The following COL24A1 variants were observed in gnomAD, a reference collection of about 807,000 sequenced individuals.
The protein encoded by COL24A1 is collagen type XXIV alpha 1 chain.
A neutral mutation model predicts 253.9 loss-of-function variants in COL24A1; 224 were observed. The observed-to-expected ratio is 0.88, with a 90% CI of 0.79 to 0.99. COL24A1 has a LOEUF of 0.99. Ranked by LOEUF, COL24A1 falls within the 50% of genes least tolerant of loss-of-function variation. COL24A1 has a pLI of 0.00. For missense variants in COL24A1, 2,131 were observed against 2,068.5 expected (o/e 1.03, Z -0.59); for synonymous variants, 685 against 673.7 (o/e 1.02, Z -0.26).
chr1:85,997,763 G>GAA lies in COL24A1; in HGVS notation c.2311-10111_2311-10110dup, dbSNP rs56060135. Among the ~76,000 whole-genome samples, 196 of 136,184 alleles carry GAA rather than the reference G, an allele frequency of 1.4e-3. 2 individuals are homozygous for GAA. Among genetic ancestry groups the GAA allele is most frequent in the Middle Eastern group, 7.8e-3 (2 of 258 alleles). The allele number at this position is 136,184 out of a possible 152,430, so 89.3% of individuals were successfully genotyped here. ...GCCACTGCACTCCAGCCTGGCTACA[G>GAA]AAAAAAAAAAAAAAAGATGATTATG... On this transcript the variant is annotated intron_variant, in intron 19 of 59. Transcript: ENST00000370571.
chr1:85,760,707 G>T (rs1319733844), intron 55 of COL24A1, among the ~76,000 whole-genome samples: 1 of 152,146 alleles, frequency 6.6e-6, no homozygotes, highest in Non-Finnish European at 1.5e-5. Context: ...TGTGACCAAG[G>T]ACCACTGTAT....
In COL24A1 at chr1:85,971,722, T is replaced by C. The variant is rs142137265; in HGVS notation, c.2365-329A>G. On this transcript the variant is annotated intron_variant, in intron 20 of 59. Transcript: ENST00000370571. The stretch of plus-strand genomic sequence containing the variant: ...ACTGATAAGAGTACAGTAAACCGAA[T>C]AGAGTGTTCACAAAGTCTGAAAACA... Among the ~76,000 whole-genome samples, 608 of 152,272 alleles carry C rather than the reference T, an allele frequency of 4.0e-3. 4 individuals are homozygous for C. The highest frequency in any genetic ancestry group is 0.012 in the South Asian group (59 of 4,822).
intron 6 of COL24A1, 145 bp downstream of exon 6, chr1:86,092,122 A>G: frequency 1.3e-5 from 8 of 605,938 alleles, no homozygotes; most frequent in East Asian, 6.1e-5. Context: ...TTCTTCAAAT[A>G]GTTCTTCCTT....
At chr1:85,892,765 G>C (rs1432993230) in intron 31 of COL24A1, among the ~76,000 whole-genome samples, 1 of 151,990 alleles carries the variant, frequency 6.6e-6, no homozygotes, top group Non-Finnish European at 1.5e-5. Flanking sequence ...TCTTACACTT[G>C]TGTTAAGTAT....
At chr1:86,054,952 T>C (rs2101713582) in intron 10 of COL24A1, among the ~76,000 whole-genome samples, 1 of 152,122 alleles carries the variant, frequency 6.6e-6, no homozygotes, top group East Asian at 1.9e-4. Flanking sequence ...CATGGAATAC[T>C]ACAGTGCCAT....
At chr1:86,141,372 A>G (rs1651049418) in intron 2 of COL24A1, among the ~76,000 whole-genome samples, 1 of 152,302 alleles carries the variant, frequency 6.6e-6, no homozygotes, top group African/African-American at 2.4e-5. Context: ...AAGGTTAATG[A>G]CATAGAAGCA....
At chr1:85,737,269 CAATAGAG>C in intron 58 of COL24A1, 120 bp downstream of exon 58, 1 of 561,262 alleles carries the variant, frequency 1.8e-6, no homozygotes, top group East Asian at 3.1e-5. Flanking sequence ...TTCTCATACA[CAATAGAG>C]AATAATCTTT....
chr1:85,781,507 A>C (rs1232172146), intron 51 of COL24A1, among the ~76,000 whole-genome samples: 1 of 152,188 alleles, frequency 6.6e-6, no homozygotes, highest in East Asian at 1.9e-4. Flanking sequence ...ATTTCTAAAA[A>C]ACTGATGAAT....
At chr1:86,042,351 T>C (rs1699564655) in intron 12 of COL24A1, among the ~76,000 whole-genome samples, 1 of 152,100 alleles carries the variant, frequency 6.6e-6, no homozygotes, top group African/African-American at 2.4e-5. Context: ...TTCTCCTACT[T>C]CAAACTAATG....
intron 51 of COL24A1, among the ~76,000 whole-genome samples, 155 bp downstream of exon 51, chr1:85,783,341 C>A (rs1263716235): frequency 1.3e-5 from 2 of 151,246 alleles, no homozygotes; most frequent in African/African-American, 4.9e-5. Context: ...ATATGAACTG[C>A]AAAAGATTGA....
chr1:85,965,637 T>C (rs1333930235), intron 22 of COL24A1, among the ~76,000 whole-genome samples: 2 of 152,212 alleles, frequency 1.3e-5, no homozygotes, highest in East Asian at 3.9e-4. Context: ...GTGAAGAGTG[T>C]GACCCTTGAC....
chr1:85,821,529 G>A (rs1227100292), intron 45 of COL24A1, among the ~76,000 whole-genome samples: 1 of 152,160 alleles, frequency 6.6e-6, no homozygotes, highest in Non-Finnish European at 1.5e-5. Context: ...AAAACAAGAT[G>A]ACAGCAATTG....
chr1:85,849,742 C>T (rs560826639), intron 37 of COL24A1, among the ~76,000 whole-genome samples: 1 of 152,284 alleles, frequency 6.6e-6, no homozygotes, highest in East Asian at 1.9e-4. Context: ...ACGTCACAGG[C>T]TGTAAAACAC....
At chr1:85,804,593 A>G (rs1272559151) in intron 47 of COL24A1, among the ~76,000 whole-genome samples, 3 of 152,158 alleles carry the variant, frequency 2.0e-5, no homozygotes, top group Non-Finnish European at 4.4e-5. Context: ...AGCAAGTCAC[A>G]CCTTGCATGG....
At chr1:85,758,137 G>A (rs945504766) in intron 55 of COL24A1, among the ~76,000 whole-genome samples, 28 of 152,078 alleles carry the variant, frequency 1.8e-4, no homozygotes, top group African/African-American at 5.3e-4. Context: ...GTATTTTGAA[G>A]AGAAGCGTTA....
chr1:86,073,989 T>C (rs1702064381), intron 7 of COL24A1, among the ~76,000 whole-genome samples: 1 of 152,134 alleles, frequency 6.6e-6, no homozygotes, highest in African/African-American at 2.4e-5. Context: ...GAAAAATCAG[T>C]ACCAGCCACT....
intron 5 of COL24A1, among the ~76,000 whole-genome samples, chr1:86,098,500 G>C (rs1704189036): frequency 6.6e-6 from 1 of 152,152 alleles, no homozygotes; most frequent in East Asian, 1.9e-4. Context: ...TGAAAGAATT[G>C]AACATAAATA....
intron 2 of COL24A1, among the ~76,000 whole-genome samples, chr1:86,129,021 T>C (rs903373182): frequency 6.6e-6 from 1 of 151,806 alleles, no homozygotes; most frequent in Non-Finnish European, 1.5e-5. Flanking sequence ...TGAAATTACA[T>C]TTTTTCCCAA....
chr1:86,003,832 T>C (rs879426578), intron 19 of COL24A1, among the ~76,000 whole-genome samples: 1 of 151,906 alleles, frequency 6.6e-6, no homozygotes, highest in Non-Finnish European at 1.5e-5. Flanking sequence ...ACTAGACACA[T>C]GGGATTAGGC....
Sources: allele counts gnomAD v4.1 joint callset (sites outside exome capture counted in the v4.1 genomes callset), GRCh38; gene constraint gnomAD v4.1.1; transcripts MANE v1.5; gene names NCBI Gene and HGNC (gene_info 2026-07-23, HGNC 2026-07-21).